The following CDH13 variants were observed in gnomAD, a reference collection of about 807,000 sequenced individuals.
CDH13 encodes cadherin 13.
A neutral mutation model predicts 63.8 loss-of-function variants in CDH13; 24 were observed. The ratio of observed to expected loss-of-function variants is 0.38; its 90% CI spans 0.27 to 0.53. CDH13 has a LOEUF of 0.53. Ranked by LOEUF, CDH13 falls within the 20% of genes least tolerant of loss-of-function variation. CDH13 has a pLI of 0.85. For missense variants in CDH13, 1,049 were observed against 903.1 expected (o/e 1.16, Z -2.07); for synonymous variants, 503 against 355.3 (o/e 1.42, Z -4.67).
In CDH13 at chr16:82,917,265, C is replaced by A. The variant is rs182833419; in HGVS notation, c.157+58792C>A. On this transcript the variant is annotated intron_variant, in intron 2 of 13. Transcript: ENST00000567109. ...AGTGCAAAAGCCTGACCATGCTGATCTCCATTGGGTGGGTCCAATGGAAGA... is the reference window on the plus strand; with the variant it reads ...AGTGCAAAAGCCTGACCATGCTGATATCCATTGGGTGGGTCCAATGGAAGA... 2.2e-3 allele frequency among the ~76,000 whole-genome samples: 341 copies of A among 152,334 alleles called. 1 individual carries two copies. Among genetic ancestry groups the A allele is most frequent in the African/African-American group, 7.9e-3 (327 of 41,578 alleles).
chr16:83,518,985 A>G (rs2074766184), intron 7 of CDH13, among the ~76,000 whole-genome samples: 1 of 152,164 alleles, frequency 6.6e-6, no homozygotes, highest in South Asian at 2.1e-4. Context: ...GGACTAATAT[A>G]CCAGACTCTA....
At chr16:83,356,124 C>T (rs558003605) in intron 6 of CDH13, among the ~76,000 whole-genome samples, 33 of 152,150 alleles carry the variant, frequency 2.2e-4, no homozygotes, top group Middle Eastern at 3.4e-3. Flanking sequence ...CTATTTCACC[C>T]GTGATGATGT....
chr16:82,938,008 C>G (rs1396603394), intron 2 of CDH13, among the ~76,000 whole-genome samples: 1 of 152,082 alleles, frequency 6.6e-6, no homozygotes, highest in Non-Finnish European at 1.5e-5. Context: ...ATTGTGTTAG[C>G]TTACATAATT....
At chr16:82,940,111 T>G (rs567833709) in intron 2 of CDH13, among the ~76,000 whole-genome samples, 1 of 152,280 alleles carries the variant, frequency 6.6e-6, no homozygotes, top group East Asian at 1.9e-4. Context: ...ATTCAATTAT[T>G]TCCCACCAGG....
intron 6 of CDH13, among the ~76,000 whole-genome samples, chr16:83,428,303 T>G (rs1419204710): frequency 1.3e-5 from 2 of 152,036 alleles, no homozygotes; most frequent in African/African-American, 4.8e-5. Flanking sequence ...AAGAAATATG[T>G]TTTTTTGTTT....
chr16:82,650,873 G>T (rs546644624), intron 1 of CDH13, among the ~76,000 whole-genome samples: 2 of 152,324 alleles, frequency 1.3e-5, no homozygotes, highest in African/African-American at 4.8e-5. Context: ...GTGGGGCAGG[G>T]CAGTAAACAG....
chr16:83,625,781 C>T (rs1192454865), intron 8 of CDH13, among the ~76,000 whole-genome samples: 2 of 152,154 alleles, frequency 1.3e-5, no homozygotes, highest in East Asian at 3.9e-4. Context: ...AGGTCTACAG[C>T]TTTTTCCAGG....
Position 83,512,685 on chromosome 16 carries a change from T to TA in CDH13, c.960+26031dup, listed in dbSNP as rs377118035. Among the ~76,000 whole-genome samples the TA allele has an allele frequency of 1.0e-4, 15 of 146,546 alleles. No homozygotes were observed. In the South Asian group the frequency reaches 1.1e-3, roughly 11 times the overall value. ...TCCGTCTCAATAATAATAATAATAA[T>TA]ATAATAATAATAATAGTAATAAAGA... On this transcript the variant is annotated intron_variant, in intron 7 of 13. Coordinates refer to ENST00000567109, the MANE Select transcript of CDH13 (RefSeq NM_001257.5).
At chr16:83,345,555 A>G (rs946004690) in intron 6 of CDH13, among the ~76,000 whole-genome samples, 9 of 152,338 alleles carry the variant, frequency 5.9e-5, no homozygotes, top group African/African-American at 1.9e-4. Context: ...GCCTACTGTT[A>G]TAGAAGTCAC....
At chr16:82,631,130 T>G (rs1232140091) in intron 1 of CDH13, among the ~76,000 whole-genome samples, 2 of 152,220 alleles carry the variant, frequency 1.3e-5, no homozygotes, top group African/African-American at 2.4e-5. Context: ...CTTCTTGCTT[T>G]CTTTCTTTTC....
intron 10 of CDH13, among the ~76,000 whole-genome samples, chr16:83,714,508 T>C (rs918348944): frequency 6.6e-6 from 1 of 152,300 alleles, no homozygotes; most frequent in African/African-American, 2.4e-5. Flanking sequence ...AAAGGAATGT[T>C]CTGCAAACAT....
At chr16:82,976,401 T>C (rs1909513100) in intron 2 of CDH13, among the ~76,000 whole-genome samples, 2 of 152,188 alleles carry the variant, frequency 1.3e-5, no homozygotes, top group South Asian at 4.1e-4. Context: ...TGGATTCCTA[T>C]GTCCTTTTTC....
intron 11 of CDH13, among the ~76,000 whole-genome samples, chr16:83,756,629 C>G (rs1334578614): frequency 1.3e-5 from 2 of 152,112 alleles, no homozygotes; most frequent in East Asian, 3.9e-4. Context: ...ATTCTTCTTC[C>G]AATGTGGCCC....
At chr16:83,636,529 C>T (rs182245047) in intron 8 of CDH13, among the ~76,000 whole-genome samples, 2 of 152,264 alleles carry the variant, frequency 1.3e-5, no homozygotes, top group East Asian at 3.9e-4. Context: ...GACTGAGAAC[C>T]TGCAGTGTTT....
At chr16:83,413,143 T>A (rs1367644521) in intron 6 of CDH13, among the ~76,000 whole-genome samples, 2 of 152,218 alleles carry the variant, frequency 1.3e-5, no homozygotes, top group Non-Finnish European at 2.9e-5. Context: ...TTTAGTATAA[T>A]GTTATTGTAA....
chr16:83,221,869 C>A (rs2039710914), intron 5 of CDH13, among the ~76,000 whole-genome samples: 1 of 152,154 alleles, frequency 6.6e-6, no homozygotes, highest in Admixed American at 6.5e-5. Flanking sequence ...CTTTATTGAG[C>A]ATCTATTAAG....
At position 83,659,825 on chromosome 16, in the gene CDH13, C is replaced by T. The variant is rs1048868618; in HGVS notation, c.1102-10965C>T. Among the ~76,000 whole-genome samples the T allele has an allele frequency of 9.2e-4, 127 of 138,632 alleles. 4 individuals carry two copies. The highest frequency in any genetic ancestry group is 1.1e-3 in the East Asian group (5 of 4,596). The allele number at this position is 138,632 out of a possible 152,430, so 90.9% of individuals were successfully genotyped here. ...TTTTTGAGATGGAGTCTCACTCTGT[C>T]GCCCAGGCTGGAGTGCAGTGGCATG... is the stretch of plus-strand genomic sequence containing the variant. On this transcript the variant is annotated intron_variant, in intron 8 of 13. Transcript: ENST00000567109.
intron 6 of CDH13, among the ~76,000 whole-genome samples, chr16:83,383,817 G>A (rs1198205078): frequency 6.6e-6 from 1 of 152,144 alleles, no homozygotes; most frequent in Non-Finnish European, 1.5e-5. Context: ...CTTCCTCAAG[G>A]AACCTTGGTT....
At chr16:82,988,334 C>G (rs1323220146) in intron 2 of CDH13, among the ~76,000 whole-genome samples, 1 of 151,690 alleles carries the variant, frequency 6.6e-6, no homozygotes, top group African/African-American at 2.4e-5. Context: ...TGTTTTTTTT[C>G]TTGGCAAATC....
Sources: allele counts gnomAD v4.1 joint callset (sites outside exome capture counted in the v4.1 genomes callset), GRCh38; gene constraint gnomAD v4.1.1; transcripts MANE v1.5; gene names NCBI Gene and HGNC (gene_info 2026-07-23, HGNC 2026-07-21).